ALK: variants seen among roughly 807,000 people sequenced by gnomAD.
ALK encodes the protein ALK receptor tyrosine kinase.
Under a neutral mutation model 163.1 loss-of-function variants are expected in ALK, and 74 were observed. That is an observed-to-expected ratio of 0.45 (90% confidence interval 0.38 to 0.55). The LOEUF (loss-of-function observed/expected upper bound fraction) is 0.55. ALK is among the 20% of genes least tolerant of loss of function. The pLI, the probability that ALK is intolerant of heterozygous loss-of-function variation, is 0.00. For missense variants in ALK, 2,063 were observed against 2,105.3 expected, an observed-to-expected ratio of 0.98 and a Z score of 0.39; for synonymous variants, 960 against 843.2, an observed-to-expected ratio of 1.14 and a Z score of -2.40.
At chr2:29,766,065 C>A (rs1023849355) in intron 1 of ALK, among the ~76,000 whole-genome samples, 9 of 152,190 alleles carry the variant, frequency 5.9e-5, no homozygotes, top group Admixed American at 5.9e-4. Context: ...ATATATATCA[C>A]TAATATAATT....
chr2:29,795,656 A>G (rs1197897171), intron 1 of ALK, among the ~76,000 whole-genome samples: 1 of 152,194 alleles, frequency 6.6e-6, no homozygotes, highest in Non-Finnish European at 1.5e-5. Context: ...GTAACTTCCA[A>G]CAAAGATGAC....
intron 3 of ALK, among the ~76,000 whole-genome samples, chr2:29,691,372 T>C (rs2243654): frequency 0.87 from 132,554 of 152,200 alleles, 57,986 homozygotes; most frequent in African/African-American, 0.95. Flanking sequence ...TTTGGATGTG[T>C]CCATTCATGA....
At chr2:29,195,080 C>T (rs948042588) in intron 28 of ALK, among the ~76,000 whole-genome samples, 1 of 152,132 alleles carries the variant, frequency 6.6e-6, no homozygotes, top group African/African-American at 2.4e-5. Flanking sequence ...AAATAACTAC[C>T]TCTGACTCAT....
chr2:29,669,518 A>G (rs1247684584), intron 3 of ALK, among the ~76,000 whole-genome samples: 1 of 152,046 alleles, frequency 6.6e-6, no homozygotes, highest in Non-Finnish European at 1.5e-5. Flanking sequence ...TCTTGAAGGC[A>G]GCATATAGCT....
chr2:29,266,357 T>C (rs1665220073), intron 11 of ALK, among the ~76,000 whole-genome samples: 1 of 152,136 alleles, frequency 6.6e-6, no homozygotes, highest in South Asian at 2.1e-4. Flanking sequence ...GTGCAGCTCA[T>C]AGAATTTCGT....
intron 9 of ALK, 138 bp downstream of exon 9, chr2:29,296,750 T>C (rs1470829284): frequency 5.5e-6 from 5 of 912,286 alleles, no homozygotes; most frequent in East Asian, 5.2e-5. Flanking sequence ...TGCACGTGCG[T>C]GCACGCGCAC....
chr2:29,814,357 G>A (rs189924362), intron 1 of ALK, among the ~76,000 whole-genome samples: 62 of 151,934 alleles, frequency 4.1e-4, no homozygotes, highest in Middle Eastern at 3.4e-3. Context: ...CTGCTTGGGA[G>A]TTAAGAGTCA....
intron 3 of ALK, among the ~76,000 whole-genome samples, chr2:29,537,542 T>C (rs1054758855): frequency 2.0e-5 from 3 of 152,216 alleles, no homozygotes; most frequent in Non-Finnish European, 4.4e-5. Flanking sequence ...GGCAGAAGTC[T>C]ACCACTGGGG....
At chr2:29,447,708 C>T (rs1031417347) in intron 4 of ALK, among the ~76,000 whole-genome samples, 1 of 152,084 alleles carries the variant, frequency 6.6e-6, no homozygotes, top group Non-Finnish European at 1.5e-5. Flanking sequence ...ATGGCCGCTT[C>T]ACACCTCAGG....
intron 1 of ALK, among the ~76,000 whole-genome samples, chr2:29,818,854 G>T (rs1442493885): frequency 1.3e-5 from 2 of 152,252 alleles, no homozygotes; most frequent in African/African-American, 4.8e-5. Context: ...AATCACCTGG[G>T]ATGCTTTTAA....
intron 3 of ALK, among the ~76,000 whole-genome samples, chr2:29,551,416 G>C (rs1166528680): frequency 6.6e-6 from 1 of 151,966 alleles, no homozygotes; most frequent in Non-Finnish European, 1.5e-5. Context: ...ATATATTTAG[G>C]ATATAATTTA....
chr2:29,884,597 C>A (rs562279711), intron 1 of ALK, among the ~76,000 whole-genome samples: 1 of 152,216 alleles, frequency 6.6e-6, no homozygotes, highest in East Asian at 1.9e-4. Context: ...ATAAGAAAGC[C>A]ATACCTATAG....
chr2:29,300,684 C>T (rs1326603421), intron 8 of ALK, among the ~76,000 whole-genome samples: 9 of 152,058 alleles, frequency 5.9e-5, no homozygotes, highest in Admixed American at 5.9e-4. Flanking sequence ...AAACAGTAAG[C>T]CTTGGACATT....
intron 1 of ALK, among the ~76,000 whole-genome samples, chr2:29,780,031 T>C (rs1681290069): frequency 6.6e-6 from 1 of 152,230 alleles, no homozygotes; most frequent in South Asian, 2.1e-4. Context: ...AGCATCATTG[T>C]GGACCAAGCA....
At position 29,193,846 on chromosome 2, in the gene ALK, C is replaced by A. The variant is rs77762612; in HGVS notation, c.4241G>T (p.Arg1414Met). The A allele has an allele frequency of 6.2e-7, 1 of 1,612,982 alleles. No individual in the cohort carries two copies. The highest frequency in any genetic ancestry group is 8.5e-7 in the Non-Finnish European group (1 of 1,179,536). Residue 1414 changes from arginine (R) to methionine (M), a missense_variant, in exon 29 of 29, where the codon AGG (arginine) becomes ATG (methionine). This residue lies in a region of ALK where 403 missense variants were observed against 366.2 expected (regional missense o/e 1.10). Coordinates refer to ENST00000389048, the MANE Select transcript of ALK (RefSeq NM_004304.5). Reference protein sequence around the residue: ...LVEEEEKVPVRPKDPEGVPPL... With the variant: ...LVEEEEKVPVMPKDPEGVPPL... ...AGGAACCCCCTCAGGGTCCTTGGGCCTCACAGGCACTTTCTCTTCCTCTTC... is the reference window on the plus strand; with the variant it reads ...AGGAACCCCCTCAGGGTCCTTGGGCATCACAGGCACTTTCTCTTCCTCTTC...
chr2:29,800,397 T>A (rs1471454317), intron 1 of ALK, among the ~76,000 whole-genome samples: 1 of 152,202 alleles, frequency 6.6e-6, no homozygotes, highest in Non-Finnish European at 1.5e-5. Context: ...ATGTGAACCA[T>A]TACTTGGTTT....
intron 5 of ALK, among the ~76,000 whole-genome samples, chr2:29,352,664 A>G (rs906362410): frequency 4.6e-5 from 7 of 152,244 alleles, no homozygotes; most frequent in African/African-American, 1.7e-4. Flanking sequence ...TTCCAGATCC[A>G]TCTGCAGAGG....
chr2:29,475,549 T>A (rs770923636), intron 4 of ALK, among the ~76,000 whole-genome samples: 4 of 152,128 alleles, frequency 2.6e-5, no homozygotes, highest in Non-Finnish European at 5.9e-5. Context: ...CGAGGCTGCA[T>A]CTCCAGGCCC....
At chr2:29,689,271 A>G (rs1159747144) in intron 3 of ALK, among the ~76,000 whole-genome samples, 10 of 152,210 alleles carry the variant, frequency 6.6e-5, no homozygotes, top group Admixed American at 6.5e-4. Context: ...CAAAAGATCA[A>G]GAGTCAGAGG....
Sources: allele counts gnomAD v4.1 joint callset (sites outside exome capture counted in the v4.1 genomes callset), GRCh38; gene constraint gnomAD v4.1.1; regional missense constraint gnomAD v4.1.1; transcripts MANE v1.5; gene names NCBI Gene and HGNC (gene_info 2026-07-23, HGNC 2026-07-21).